The following GSAP variants were observed in gnomAD, a reference collection of about 807,000 sequenced individuals.
The protein encoded by GSAP is gamma-secretase activating protein.
In GSAP, 118 loss-of-function variants were observed where a neutral mutation model predicts 131.7. The observed-to-expected ratio is 0.90, with a 90% CI of 0.77 to 1.04. The LOEUF is 1.04. Among genes scored for constraint, GSAP ranks in the 50% least tolerant of loss-of-function variants. GSAP has a pLI of 0.00. For missense variants in GSAP, 1,019 were observed against 1,013.2 expected (o/e 1.01, Z -0.08); for synonymous variants, 381 against 363.4 (o/e 1.05, Z -0.55).
chr7:77,324,001 G>A (rs1032269168), intron 23 of GSAP, among the ~76,000 whole-genome samples: 1 of 152,170 alleles, frequency 6.6e-6, no homozygotes, highest in African/African-American at 2.4e-5. Context: ...TAACTCTGAC[G>A]AGAATCCTCC....
At chr7:77,343,777 C>T (rs2150777034) in intron 19 of GSAP, among the ~76,000 whole-genome samples, 1 of 152,304 alleles carries the variant, frequency 6.6e-6, no homozygotes, top group South Asian at 2.1e-4. Context: ...TCCTTCCAGC[C>T]TCACAGGCCC....
chr7:77,404,001 CCAT>C (rs773143222), intron 3 of GSAP, among the ~76,000 whole-genome samples: 2 of 152,106 alleles, frequency 1.3e-5, no homozygotes, highest in Admixed American at 6.5e-5. Flanking sequence ...AAACAGGTGT[CCAT>C]CAACAAATAA....
rs755993171 is a variant in GSAP at position 77,312,096 on chromosome 7, C to T, written c.2373+5G>A. On this transcript the variant is annotated splice_donor_5th_base_variant and intron_variant, in intron 29 of 30. Coordinates refer to ENST00000257626, the MANE Select transcript of GSAP (RefSeq NM_017439.4). ...TTAGTTGGCTGTGCTTTCAGAGAAA[C>T]TCACCTGTTTCTTATAGTTCTGAAG... The T allele has an allele frequency of 2.6e-6, 4 of 1,567,160 alleles. No homozygotes were observed. The highest frequency in any genetic ancestry group is 3.5e-6 in the Non-Finnish European group (4 of 1,148,322).
chr7:77,314,350 G>A lies in GSAP; in HGVS notation c.2209+20C>T, dbSNP rs761720121. 19 of 1,612,376 alleles carry A rather than the reference G, an allele frequency of 1.2e-5. No individual in the cohort carries two copies. Among genetic ancestry groups the A allele is most frequent in the Non-Finnish European group, 1.4e-5 (17 of 1,179,296 alleles). ...TGCTCAGGCTGGAACTAGCACTCTG[G>A]CAAACTCAGGGCTTCTTACCTTTCA... On this transcript the variant is annotated intron_variant, in intron 27 of 30. Coordinates refer to ENST00000257626, the MANE Select transcript of GSAP (RefSeq NM_017439.4).
At chr7:77,366,694 G>A (rs1795373715) in intron 12 of GSAP, among the ~76,000 whole-genome samples, 1 of 152,114 alleles carries the variant, frequency 6.6e-6, no homozygotes, top group Non-Finnish European at 1.5e-5. Flanking sequence ...TTTTTGCTTA[G>A]GTGTACCTTG....
At chr7:77,376,939 A>T (rs1393733769) in intron 9 of GSAP, 32 bp from the exon 10 acceptor site, 1 of 1,207,400 alleles carries the variant, frequency 8.3e-7, no homozygotes, top group Non-Finnish European at 1.2e-6. Context: ...CATATTAAAA[A>T]ACCAGGAAAA....
intron 24 of GSAP, among the ~76,000 whole-genome samples, chr7:77,321,822 G>C (rs570203977): frequency 6.6e-6 from 1 of 152,254 alleles, no homozygotes; most frequent in South Asian, 2.1e-4. Context: ...AAGTAAGACT[G>C]GTATCAAGTC....
chr7:77,354,483 T>A (rs1416918729), intron 16 of GSAP, among the ~76,000 whole-genome samples: 2 of 152,190 alleles, frequency 1.3e-5, no homozygotes, highest in African/African-American at 4.8e-5. Flanking sequence ...TAAGGGTCTT[T>A]AAATTACTAT....
At position 77,346,867 on chromosome 7, in the gene GSAP, G is replaced by A. The variant is rs1052760973; in HGVS notation, c.1545+2484C>T. On this transcript the variant is annotated intron_variant, in intron 19 of 30. Coordinates refer to ENST00000257626, the MANE Select transcript of GSAP (RefSeq NM_017439.4). ...AGGCTTCGGGACCAGGACTAGTCTC[G>A]GGAAACTCTCTCTCCTGCCTTCCTT... is the stretch of plus-strand genomic sequence containing the variant. Among the ~76,000 whole-genome samples, 7 of 96,294 alleles carry A rather than the reference G, an allele frequency of 7.3e-5. No individual in the cohort carries two copies. The East Asian group carries it at 9.7e-4, about 13-fold the overall frequency. The allele number at this position is 96,294 out of a possible 152,430, so 63.2% of individuals were successfully genotyped here. A position where few individuals can be genotyped will look rare whatever the true frequency, so the allele number is the denominator to read the frequency against.
intron 19 of GSAP, among the ~76,000 whole-genome samples, chr7:77,348,370 A>G (rs1258848503): frequency 1.3e-5 from 2 of 152,144 alleles, no homozygotes; most frequent in Non-Finnish European, 2.9e-5. Flanking sequence ...AACACAGATC[A>G]TCAGTCTATT....
At position 77,349,423 on chromosome 7, in the gene GSAP, C is replaced by T. The variant is rs1466922432; in HGVS notation, c.1492-19G>A. On this transcript the variant is annotated intron_variant, in intron 18 of 30. Coordinates refer to ENST00000257626, the MANE Select transcript of GSAP (RefSeq NM_017439.4). ...GAATTTCCTATAGTGGGGAAAAACA[C>T]ACACACACAGCTGCTCAGTGTATGA... 6.2e-7 allele frequency: 1 copy of T among 1,605,720 alleles called. No homozygotes were observed. The highest frequency in any genetic ancestry group is 1.3e-5 in the African/African-American group (1 of 74,718).
At chr7:77,401,056 C>A (rs1456373795) in intron 3 of GSAP, among the ~76,000 whole-genome samples, 1 of 147,738 alleles carries the variant, frequency 6.8e-6, no homozygotes, top group Non-Finnish European at 1.5e-5. Flanking sequence ...AACAGAAAAT[C>A]AAAAAATAAA....
rs759012113 is a variant in GSAP, at chr7:77,377,237, T to TGTA, written c.681+48_681+49insTAC. ...GTCTCTAAAAAAATTAATATTTTTGTAAAAAAAAAAAAAAAAAAAAAGGAG... is the reference window on the plus strand; with the variant it reads ...GTCTCTAAAAAAATTAATATTTTTGTGTAAAAAAAAAAAAAAAAAAAAAAGGAG... On this transcript the variant is annotated intron_variant, in intron 9 of 30. Transcript: ENST00000257626. The TGTA allele has an allele frequency of 3.7e-5, 33 of 894,428 alleles. No individual in the cohort carries two copies. In the African/African-American group the frequency reaches 7.3e-4, roughly 20 times the overall value. The allele number at this position is 894,428 out of a possible 1,614,324, so 55.4% of individuals were successfully genotyped here. A position where few individuals can be genotyped will look rare whatever the true frequency, so the allele number is the denominator to read the frequency against.
chr7:77,330,962 T>C (rs770075178), intron 19 of GSAP: 18 of 558,688 alleles, frequency 3.2e-5, no homozygotes, highest in Admixed American at 1.3e-4. Flanking sequence ...TGTACTACCC[T>C]GAAGCAAGAA....
intron 12 of GSAP, among the ~76,000 whole-genome samples, chr7:77,363,284 A>C (rs577525149): frequency 1.4e-4 from 21 of 152,288 alleles, no homozygotes; most frequent in African/African-American, 5.1e-4. Flanking sequence ...GAACACCCTC[A>C]ACTTTCCCCA....
chr7:77,411,522 G>A (rs529668182), intron 1 of GSAP, among the ~76,000 whole-genome samples: 1 of 152,202 alleles, frequency 6.6e-6, no homozygotes, highest in Admixed American at 6.5e-5. Context: ...CTAGTTATGA[G>A]AGCAACAAAA....
At chr7:77,372,276 G>A (rs1410711671) in intron 12 of GSAP, among the ~76,000 whole-genome samples, 1 of 152,238 alleles carries the variant, frequency 6.6e-6, no homozygotes, top group African/African-American at 2.4e-5. Flanking sequence ...AGTAGGACAT[G>A]AGAATTGTTG....
chr7:77,406,727 A>C (rs1802334587), intron 1 of GSAP, among the ~76,000 whole-genome samples: 1 of 152,256 alleles, frequency 6.6e-6, no homozygotes, highest in Non-Finnish European at 1.5e-5. Context: ...GGGTCAGGTG[A>C]ATCAGCACAG....
At chr7:77,399,005 C>G (rs1261788584) in intron 3 of GSAP, among the ~76,000 whole-genome samples, 1 of 152,164 alleles carries the variant, frequency 6.6e-6, no homozygotes, top group Non-Finnish European at 1.5e-5. Context: ...CTTCTTAATC[C>G]TTTAATAGCT....
Sources: allele counts gnomAD v4.1 joint callset (sites outside exome capture counted in the v4.1 genomes callset), GRCh38; gene constraint gnomAD v4.1.1; transcripts MANE v1.5; gene names NCBI Gene and HGNC (gene_info 2026-07-23, HGNC 2026-07-21).